TMEM114: variants seen among roughly 807,000 people sequenced by gnomAD.
The protein encoded by TMEM114 is claudin-26.
Under a neutral mutation model 6.2 loss-of-function variants are expected in TMEM114, and 6 were observed. The observed-to-expected ratio is 0.97, with a 90% CI of 0.53 to 1.91. The LOEUF (loss-of-function observed/expected upper bound fraction) is 1.91. Among genes scored for constraint, TMEM114 ranks in the 40% most tolerant of loss-of-function variants. The probability of loss-of-function intolerance (pLI) is 0.01; values close to 1 mark genes in which losing one functional copy is unlikely to be tolerated. For missense variants in TMEM114, 218 were observed against 158.3 expected (o/e 1.38, Z -2.02); for synonymous variants, 104 against 73.0 (o/e 1.42, Z -2.16).
At chr16:8,537,445 G>C (rs1900392679), downstream of TMEM114, among the ~76,000 whole-genome samples, 1 of 152,136 alleles carries the variant, frequency 6.6e-6, no homozygotes, top group African/African-American at 2.4e-5. Flanking sequence ...AGGTTTCAGT[G>C]AGCCAAGACC....
chr16:8,570,029 C>G (rs1244270630), intron 3 of TMEM114, 24 bp from the exon 4 acceptor site: 2 of 1,533,776 alleles, frequency 1.3e-6, no homozygotes, highest in Middle Eastern at 1.7e-4. Context: ...AAAGGGAGAG[C>G]AGATCAATCC....
intron 2 of TMEM114, among the ~76,000 whole-genome samples, chr16:8,561,828 G>C (rs1428599108): frequency 1.6e-5 from 2 of 125,914 alleles, no homozygotes; most frequent in Admixed American, 8.1e-5. Flanking sequence ...GAGTGAATGA[G>C]TGAGTGAATG....
intron 2 of TMEM114, among the ~76,000 whole-genome samples, chr16:8,578,486 A>G (rs928165732): frequency 1.3e-5 from 2 of 152,136 alleles, no homozygotes; most frequent in Non-Finnish European, 2.9e-5. Flanking sequence ...AGTTAGTCCA[A>G]GATTATCTCA....
At chr16:8,579,643 C>T (rs995598382) in intron 2 of TMEM114, among the ~76,000 whole-genome samples, 2 of 152,130 alleles carry the variant, frequency 1.3e-5, no homozygotes, top group Middle Eastern at 3.2e-3. Context: ...GTTTTCGTCA[C>T]CTGTCAATTG....
chr16:8,528,410 T>C, the TMEM114 span, among the ~76,000 whole-genome samples: 1 of 152,192 alleles, frequency 6.6e-6, no homozygotes, highest in Non-Finnish European at 1.5e-5. Context: ...ATCAACACTC[T>C]GCTGCCCCTT....
the TMEM114 span, among the ~76,000 whole-genome samples, chr16:8,530,218 C>A: frequency 1.3e-5 from 2 of 152,172 alleles, no homozygotes; most frequent in Non-Finnish European, 2.9e-5. Flanking sequence ...TCTCTGCCTC[C>A]ATGAAAACTC....
chr16:8,531,433 G>A, the TMEM114 span, among the ~76,000 whole-genome samples: 7 of 152,200 alleles, frequency 4.6e-5, no homozygotes, highest in Non-Finnish European at 8.8e-5. Flanking sequence ...ATCAAGTACT[G>A]CTTTTTATGG....
At chr16:8,535,966 C>T (rs1900344749), downstream of TMEM114, among the ~76,000 whole-genome samples, 1 of 152,122 alleles carries the variant, frequency 6.6e-6, no homozygotes, top group Non-Finnish European at 1.5e-5. Context: ...TGGCTTATGC[C>T]TGTAATCCCA....
intron 2 of TMEM114, among the ~76,000 whole-genome samples, chr16:8,548,694 G>GTGTATATATATATATATATATA (rs1555461967): frequency 3.6e-5 from 5 of 139,898 alleles, no homozygotes; most frequent in Admixed American, 7.0e-5. Context: ...AAATTGCCAT[G>GTGTATATATATATATATATATA]TATATATATA....
rs573466823 is a variant in TMEM114 at position 8,569,848 on chromosome 16, C to T, written c.597G>A (p.Glu199=). 187 of 1,551,044 alleles carry T rather than the reference C, an allele frequency of 1.2e-4. No homozygotes were observed. The African/African-American group carries it at 2.1e-3, about 18-fold the overall frequency. The change falls in exon 4 of 4, where the codon GAG becomes GAA. Residue 199 remains glutamate, a synonymous_variant. Transcript: ENST00000620492. ...LALGWISFIA[E]LLTGAAFLAA... ...CCAGGAAGGCTGCCCCGGTGAGCAG[C>T]TCGGCGATGAAGCTGATCCAGCCCA... is the stretch of plus-strand genomic sequence containing the variant.
chr16:8,584,027 C>G (rs1395384441), intron 2 of TMEM114, among the ~76,000 whole-genome samples: 1 of 152,154 alleles, frequency 6.6e-6, no homozygotes, highest in African/African-American at 2.4e-5. Flanking sequence ...CCAATGTGGT[C>G]CAGTGGAAAA....
chr16:8,571,073 GT>G (rs954773775), intron 3 of TMEM114, among the ~76,000 whole-genome samples: 15 of 148,706 alleles, frequency 1.0e-4, no homozygotes, highest in African/African-American at 3.5e-4. Context: ...CATCCCTTTT[GT>G]TTTTTTTCCT....
chr16:8,527,543 A>T, the TMEM114 span, among the ~76,000 whole-genome samples: 1 of 151,856 alleles, frequency 6.6e-6, no homozygotes, highest in African/African-American at 2.4e-5. Context: ...CTGTAGTAAG[A>T]TTTTTTTTAA....
intron 2 of TMEM114, among the ~76,000 whole-genome samples, chr16:8,579,597 T>A (rs1902065509): frequency 6.6e-6 from 1 of 152,130 alleles, no homozygotes; most frequent in African/African-American, 2.4e-5. Context: ...ACTCCGCCTC[T>A]TACCCAAGCA....
At chr16:8,573,234 G>T (rs1286344618) in intron 2 of TMEM114, among the ~76,000 whole-genome samples, 1 of 152,132 alleles carries the variant, frequency 6.6e-6, no homozygotes, top group Non-Finnish European at 1.5e-5. Flanking sequence ...CACGTGATGT[G>T]TGTGATAACC....
downstream of TMEM114, among the ~76,000 whole-genome samples, chr16:8,564,506 T>TGAGTG (rs769540071): frequency 8.0e-6 from 1 of 124,592 alleles, no homozygotes; most frequent in Non-Finnish European, 1.7e-5. Flanking sequence ...AATGAGTGAG[T>TGAGTG]AAATGAGTGA....
chr16:8,580,274 G>A (rs2141695290), intron 2 of TMEM114, among the ~76,000 whole-genome samples: 1 of 152,224 alleles, frequency 6.6e-6, no homozygotes, highest in African/African-American at 2.4e-5. Context: ...ATCACTCGAG[G>A]CCAGGAGTTT....
intron 2 of TMEM114, among the ~76,000 whole-genome samples, chr16:8,584,132 A>C (rs543960276): frequency 1.3e-5 from 2 of 152,342 alleles, no homozygotes; most frequent in South Asian, 2.1e-4. Flanking sequence ...AGCAGAACCC[A>C]AACAGAAGAA....
intron 2 of TMEM114, among the ~76,000 whole-genome samples, chr16:8,563,967 G>C (rs374090085): frequency 1.4e-4 from 20 of 141,560 alleles, no homozygotes; most frequent in African/African-American, 5.1e-4. Flanking sequence ...GTGAATGAGT[G>C]AATGAGTGAG....
Sources: gnomAD v4.1 joint callset for allele counts (sites outside exome capture counted in the v4.1 genomes callset) on GRCh38, gnomAD v4.1.1 for gene constraint, MANE v1.5 for transcripts, NCBI Gene and HGNC (gene_info 2026-07-23, HGNC 2026-07-21) for gene names.